The following NAT2 variants were observed in gnomAD, a reference collection of about 807,000 sequenced individuals.
NAT2 encodes the protein arylamine N-acetyltransferase 2.
For missense variants in NAT2, 428 were observed against 339.1 expected (o/e 1.26, Z -2.06); for synonymous variants, 137 against 125.9 (o/e 1.09, Z -0.59).
At chr8:18,399,198 G>A (rs1185285113) in intron 1 of NAT2, among the ~76,000 whole-genome samples, 2 of 152,088 alleles carry the variant, frequency 1.3e-5, no homozygotes, top group Non-Finnish European at 2.9e-5. Context: ...CCACTGCATG[G>A]AACAATCCTC....
Position 18,400,370 on chromosome 8 carries a change from G to C in NAT2, c.367G>C (p.Ala123Pro). ...TGACGGCAGGAATTACATTGTCGAT[G>C]CTGGGTCTGGAAGCTCCTCCCAGAT... ...TIDGRNYIVD[A>P]GSGSSSQMWQ... The change falls in exon 2 of 2, where the codon GCT becomes CCT. Residue 123 changes from alanine (A) to proline (P), a missense_variant. Transcript: ENST00000286479. The C allele has an allele frequency of 6.2e-7, 1 of 1,612,530 alleles. No homozygotes were observed. Among genetic ancestry groups the C allele is most frequent in the Non-Finnish European group, 8.5e-7 (1 of 1,179,362 alleles).
At chr8:18,388,379 C>G (rs1800538417), upstream of NAT2, among the ~76,000 whole-genome samples, 1 of 151,922 alleles carries the variant, frequency 6.6e-6, no homozygotes, top group South Asian at 2.1e-4. Flanking sequence ...TGTCATGGAT[C>G]TGAGAAGATT....
At chr8:18,391,039 C>T (rs1370003385), upstream of NAT2, among the ~76,000 whole-genome samples, 3 of 152,090 alleles carry the variant, frequency 2.0e-5, no homozygotes, top group Non-Finnish European at 2.9e-5. Flanking sequence ...TTCCAGAGAG[C>T]AAGAACTAGG....
chr8:18,400,755 A>G lies in NAT2; in HGVS notation c.752A>G (p.Asp251Gly). The G allele has an allele frequency of 6.2e-7, 1 of 1,613,662 alleles. No homozygotes were observed. Among genetic ancestry groups the G allele is most frequent in the South Asian group, 1.1e-5 (1 of 91,052 alleles). ...AAATTCAATTATAAAGACAATACAGATCTGGTCGAGTTTAAAACTCTCACT... is the reference window on the plus strand; with the variant it reads ...AAATTCAATTATAAAGACAATACAGGTCTGGTCGAGTTTAAAACTCTCACT... ...YRKFNYKDNT[D>G]LVEFKTLTEE... The change falls in exon 2 of 2, where the codon GAT (aspartate) becomes GGT (glycine). Residue 251 changes from aspartate (D) to glycine (G), a missense_variant. By Grantham distance (94) the Asp-to-Gly change is moderately conservative. Transcript: ENST00000286479.
intron 1 of NAT2, among the ~76,000 whole-genome samples, chr8:18,397,347 G>A (rs1800710059): frequency 6.6e-6 from 1 of 152,072 alleles, no homozygotes; most frequent in South Asian, 2.1e-4. Context: ...GGAAAGAGAT[G>A]TAAAGAAAGT....
chr8:18,392,479 G>A (rs951508726), intron 1 of NAT2, among the ~76,000 whole-genome samples: 1 of 152,226 alleles, frequency 6.6e-6, no homozygotes, highest in Admixed American at 6.5e-5. Flanking sequence ...TAGGCTGGGA[G>A]ACTAAGCCAG....
At chr8:18,398,176 C>G (rs531252800) in intron 1 of NAT2, among the ~76,000 whole-genome samples, 1 of 152,074 alleles carries the variant, frequency 6.6e-6, no homozygotes, top group Non-Finnish European at 1.5e-5. Context: ...GGTATGGGCA[C>G]ATATAAAAAT....
chr8:18,396,103 A>G (rs1800686228), intron 1 of NAT2, among the ~76,000 whole-genome samples: 1 of 152,052 alleles, frequency 6.6e-6, no homozygotes, highest in African/African-American at 2.4e-5. Context: ...ATAAAATCTT[A>G]CAAACAAATC....
At chr8:18,386,676 C>T (rs575778841), upstream of NAT2, among the ~76,000 whole-genome samples, 1 of 152,190 alleles carries the variant, frequency 6.6e-6, no homozygotes, top group African/African-American at 2.4e-5. Flanking sequence ...TGAACACGGG[C>T]AGGGGAAGAA....
intron 1 of NAT2, among the ~76,000 whole-genome samples, chr8:18,392,887 A>G (rs896068856): frequency 1.3e-5 from 2 of 152,176 alleles, no homozygotes; most frequent in Non-Finnish European, 2.9e-5. Context: ...TGGCCTTGTT[A>G]TGTAGACGAA....
intron 1 of NAT2, among the ~76,000 whole-genome samples, chr8:18,394,999 G>GA (rs1209465717): frequency 1.3e-5 from 2 of 151,912 alleles, no homozygotes; most frequent in Non-Finnish European, 2.9e-5. Context: ...TGTCTAAAAA[G>GA]AAAAAAATTT....
chr8:18,397,540 T>G (rs1800714773), intron 1 of NAT2, among the ~76,000 whole-genome samples: 1 of 152,172 alleles, frequency 6.6e-6, no homozygotes. Flanking sequence ...ATCAAATTCA[T>G]AAAAGAAATT....
At chr8:18,393,741 G>C (rs1306814731) in intron 1 of NAT2, among the ~76,000 whole-genome samples, 1 of 152,140 alleles carries the variant, frequency 6.6e-6, no homozygotes, top group African/African-American at 2.4e-5. Context: ...GTGAATTCAA[G>C]TAAGAAAAAT....
At chr8:18,388,111 G>C (rs1484807847), upstream of NAT2, among the ~76,000 whole-genome samples, 1 of 152,132 alleles carries the variant, frequency 6.6e-6, no homozygotes, top group South Asian at 2.1e-4. Flanking sequence ...GAACTTGGTG[G>C]GCATCCTGGA....
intron 1 of NAT2, among the ~76,000 whole-genome samples, chr8:18,396,254 GTATGCTTT>G (rs138811388): frequency 0.026 from 3,987 of 152,082 alleles, 74 homozygotes; most frequent in African/African-American, 0.053. Flanking sequence ...CCCTGAATTA[GTATGCTTT>G]TTATTTTAAG....
At chr8:18,397,346 T>A (rs1585137538) in intron 1 of NAT2, among the ~76,000 whole-genome samples, 1 of 152,014 alleles carries the variant, frequency 6.6e-6, no homozygotes, top group African/African-American at 2.4e-5. Context: ...GGGAAAGAGA[T>A]GTAAAGAAAG....
chr8:18,390,078 C>A (rs1800568828), upstream of NAT2, among the ~76,000 whole-genome samples: 1 of 152,176 alleles, frequency 6.6e-6, no homozygotes, highest in African/African-American at 2.4e-5. Flanking sequence ...CCCACCTTAG[C>A]ATGTAGAACA....
rs980236111 is a variant in NAT2 at position 18,400,832 on chromosome 8, A to T, written c.829A>T (p.Arg277Ter). ...AAATATATTTAAGATTTCCTTGGGG[A>T]GAAATCTCGTGCCCAAACCTGGTGA... ...LRNIFKISLG[R>*]NLVPKPGDGS... The change falls in exon 2 of 2, where the codon AGA (arginine) becomes TGA (stop). Residue 277 changes from arginine to a stop codon, truncating the protein, a stop_gained. Transcript: ENST00000286479. LOFTEE classifies it high-confidence loss of function. The T allele has an allele frequency of 4.4e-6, 7 of 1,607,848 alleles. No individual in the cohort carries two copies. In the African/African-American group the frequency reaches 8.1e-5, roughly 18 times the overall value.
upstream of NAT2, among the ~76,000 whole-genome samples, chr8:18,386,929 C>T (rs536175872): frequency 1.2e-4 from 19 of 152,350 alleles, no homozygotes; most frequent in East Asian, 3.7e-3. Flanking sequence ...GACTGTGTCC[C>T]TTTCACATGG....
Sources: allele counts gnomAD v4.1 joint callset (sites outside exome capture counted in the v4.1 genomes callset), GRCh38; gene constraint gnomAD v4.1.1; transcripts MANE v1.5; gene names NCBI Gene and HGNC (gene_info 2026-07-23, HGNC 2026-07-21).